LUC7L: variants seen among roughly 807,000 people sequenced by gnomAD.
The protein encoded by LUC7L is LUC7 like, also known as putative RNA-binding protein Luc7-like 1.
LUC7L carries 29 observed loss-of-function variants against 51.1 expected under a neutral mutation model. That is an observed-to-expected ratio of 0.57 (90% CI 0.42 to 0.77). The LOEUF (loss-of-function observed/expected upper bound fraction) is 0.77. Ranked by LOEUF, LUC7L falls within the 30% of genes least tolerant of loss-of-function variation. LUC7L has a pLI of 0.00. For missense variants in LUC7L, 403 were observed against 511.9 expected, an observed-to-expected ratio of 0.79 and a Z score of 2.05; for synonymous variants, 181 against 180.7, an observed-to-expected ratio of 1.00 and a Z score of -0.01.
chr16:226,681 A>T (rs2050141218), intron 2 of LUC7L, among the ~76,000 whole-genome samples: 1 of 152,200 alleles, frequency 6.6e-6, no homozygotes, highest in Non-Finnish European at 1.5e-5. Flanking sequence ...AAACAAACCC[A>T]CGCAGAATCT....
At chr16:213,037 G>A (rs1255196399) in intron 3 of LUC7L, among the ~76,000 whole-genome samples, 1 of 152,112 alleles carries the variant, frequency 6.6e-6, no homozygotes, top group Non-Finnish European at 1.5e-5. Flanking sequence ...AAAGTACTGG[G>A]ATTACAGGCG....
chr16:220,836 C>A, intron 2 of LUC7L, 89 bp from the exon 3 acceptor site: 1 of 787,086 alleles, frequency 1.3e-6, no homozygotes, highest in South Asian at 1.5e-5. Context: ...CTGTCACCAA[C>A]AGAAATGATC....
At chr16:216,410 T>G (rs1277650432) in intron 3 of LUC7L, among the ~76,000 whole-genome samples, 10 of 133,360 alleles carry the variant, frequency 7.5e-5, no homozygotes, top group African/African-American at 2.4e-4. Flanking sequence ...TGAGACGGAG[T>G]CTCGCTCGGT....
At chr16:194,080 G>A (rs1384750450) in intron 6 of LUC7L, among the ~76,000 whole-genome samples, 7 of 151,788 alleles carry the variant, frequency 4.6e-5, no homozygotes, top group Non-Finnish European at 1.0e-4. Flanking sequence ...TGGGATTATA[G>A]GCATGAGCCA....
chr16:218,497 G>C (rs572370508), intron 3 of LUC7L, among the ~76,000 whole-genome samples: 1 of 152,168 alleles, frequency 6.6e-6, no homozygotes, highest in Non-Finnish European at 1.5e-5. Context: ...GAGGTGGGTG[G>C]ATCACCTGAG....
At chr16:228,532 A>C in intron 1 of LUC7L, 1 of 1,212,098 alleles carries the variant, frequency 8.3e-7, no homozygotes, top group Non-Finnish European at 1.1e-6. Context: ...AATAAAGTGC[A>C]AATAATCTGC....
Position 208,134 on chromosome 16 carries a change from C to T in LUC7L, c.310G>A (p.Ala104Thr), listed in dbSNP as rs1400564366. The T allele has an allele frequency of 1.2e-6, 2 of 1,613,492 alleles. No homozygotes were observed. Among genetic ancestry groups the T allele is most frequent in the Non-Finnish European group, 1.7e-6 (2 of 1,179,810 alleles). The change falls in exon 4 of 10, where the codon GCC becomes ACC. Residue 104 changes from alanine to threonine, a missense_variant. Around this residue, in one of 3 missense-constraint regions of LUC7L, gnomAD observed 182 missense variants for 248.4 expected, o/e 0.73. Coordinates refer to ENST00000293872, the MANE Select transcript of LUC7L (RefSeq NM_201412.3). ...TGTGTTTCTGCCAGCCGCTTCTTGG[C>T]GAGCTCAGTTCTCCGATCACATTCA... ...IAECDRRTEL[A>T]KKRLAETQEE...
intron 6 of LUC7L, among the ~76,000 whole-genome samples, chr16:193,827 G>A (rs1354405259): frequency 7.2e-6 from 1 of 138,700 alleles, no homozygotes; most frequent in South Asian, 2.3e-4. Flanking sequence ...TTTTTGAGAC[G>A]GAGTCTCGCT....
chr16:227,401 T>C, intron 1 of LUC7L, 65 bp from the exon 2 acceptor site: 1 of 1,542,562 alleles, frequency 6.5e-7, no homozygotes, highest in Non-Finnish European at 8.8e-7. Flanking sequence ...AAATAACTAG[T>C]ATAACAATTC....
At chr16:224,525 A>T (rs2050070060) in intron 2 of LUC7L, among the ~76,000 whole-genome samples, 1 of 117,876 alleles carries the variant, frequency 8.5e-6, no homozygotes, top group African/African-American at 3.3e-5. Context: ...GTCTCAAAAT[A>T]AAAAAAAAAG....
intron 1 of LUC7L, chr16:228,213 G>A (rs1221147807): frequency 1.3e-5 from 17 of 1,291,560 alleles, no homozygotes; most frequent in South Asian, 3.8e-5. Flanking sequence ...AAGCATCCAG[G>A]ATTAATGTAG....
chr16:198,864 G>T (rs912089094), intron 6 of LUC7L, among the ~76,000 whole-genome samples, 198 bp downstream of exon 6: 1 of 151,942 alleles, frequency 6.6e-6, no homozygotes, highest in Non-Finnish European at 1.5e-5. Flanking sequence ...TTTTTCGGTA[G>T]AGACGGGGTT....
intron 3 of LUC7L, chr16:220,049 TA>T (rs1318365936): frequency 1.3e-5 from 2 of 151,668 alleles, no homozygotes; most frequent in East Asian, 1.9e-4. Context: ...CTTTACCAAA[TA>T]GAAACAAGAA....
chr16:226,697 G>A (rs1394953766), intron 2 of LUC7L, among the ~76,000 whole-genome samples: 1 of 152,156 alleles, frequency 6.6e-6, no homozygotes, highest in Non-Finnish European at 1.5e-5. Context: ...AATCTTCAAA[G>A]AACTTCAGGC....
rs1000691185 is a variant in LUC7L at position 229,259 on chromosome 16, G to A, written c.61+20C>T. On this transcript the variant is annotated intron_variant, in intron 1 of 9. Transcript: ENST00000293872. ...TCACTCCCACCCCAGACCCTCGCCT[G>A]GTTGGCCGCTCTGACTCACCGTCCC... The A allele has an allele frequency of 2.0e-6, 3 of 1,532,222 alleles. No homozygotes were observed. The highest frequency in any genetic ancestry group is 2.6e-6 in the Non-Finnish European group (3 of 1,146,512). 94.9% of individuals were successfully genotyped at this position (1,532,222 alleles called of 1,614,324 possible). A position where few individuals can be genotyped will look rare whatever the true frequency, so the allele number is the denominator to read the frequency against.
chr16:206,341 C>T (rs556355823), intron 4 of LUC7L, among the ~76,000 whole-genome samples, 194 bp from the exon 5 acceptor site: 15 of 152,314 alleles, frequency 9.8e-5, no homozygotes, highest in African/African-American at 3.4e-4. Context: ...CCAATGAAAC[C>T]AGTGGCACCT....
chr16:220,788 C>T (rs1425554585), intron 2 of LUC7L, 41 bp from the exon 3 acceptor site: 1 of 1,368,036 alleles, frequency 7.3e-7, no homozygotes, highest in Non-Finnish European at 1.0e-6. Flanking sequence ...CAGTGCCTAC[C>T]TACTGTAGAA....
intron 6 of LUC7L, among the ~76,000 whole-genome samples, chr16:194,989 T>G (rs907503568): frequency 2.0e-5 from 3 of 152,124 alleles, no homozygotes; most frequent in Non-Finnish European, 4.4e-5. Flanking sequence ...CCATACCCAG[T>G]GTGGATGAGA....
chr16:205,591 C>A (rs1351623218), intron 5 of LUC7L, among the ~76,000 whole-genome samples: 1 of 151,992 alleles, frequency 6.6e-6, no homozygotes, highest in Non-Finnish European at 1.5e-5. Context: ...GCAAAAACAG[C>A]GTTTATAAAT....
Sources: allele counts gnomAD v4.1 joint callset (sites outside exome capture counted in the v4.1 genomes callset), GRCh38; gene constraint gnomAD v4.1.1; regional missense constraint gnomAD v4.1.1; transcripts MANE v1.5; gene names NCBI Gene and HGNC (gene_info 2026-07-23, HGNC 2026-07-21).